The following ACLY variants were observed in gnomAD, a reference collection of about 807,000 sequenced individuals.
The protein encoded by ACLY is ATP-citrate synthase.
A neutral mutation model predicts 133.0 loss-of-function variants in ACLY; 41 were observed. The ratio of observed to expected loss-of-function variants is 0.31; its 90% confidence interval spans 0.24 to 0.40. The LOEUF (loss-of-function observed/expected upper bound fraction) is 0.40, where lower values mean the gene tolerates loss of function less well. ACLY is among the 10% of genes least tolerant of loss of function. The probability of loss-of-function intolerance (pLI) is 1.00; values close to 1 mark genes in which losing one functional copy is unlikely to be tolerated. For missense variants in ACLY, 1,046 were observed against 1,453.8 expected (o/e 0.72, Z 4.56); for synonymous variants, 495 against 549.3 (o/e 0.90, Z 1.38).
At position 41,883,139 on chromosome 17, in the gene ACLY, T is replaced by C. The variant is rs1555627644; in HGVS notation, c.2248A>G (p.Thr750Ala). 1.2e-6 allele frequency: 2 copies of C among 1,613,796 alleles called. No homozygotes were observed. Among genetic ancestry groups the C allele is most frequent in the Non-Finnish European group, 1.7e-6 (2 of 1,180,010 alleles). The change falls in exon 20 of 29, where the codon ACC (threonine) becomes GCC (alanine). Residue 750 changes from threonine to alanine, a missense_variant. Around this residue, in one of 4 missense-constraint regions of ACLY, gnomAD observed 575 missense variants for 804.2 expected, o/e 0.71. Coordinates refer to ENST00000352035, the MANE Select transcript of ACLY (RefSeq NM_001096.3). ...IVCWCIGTCA[T>A]MFSSEVQFGH... ...AGCCATACCTCAGAGGAGAACATGG[T>C]GGCACACGTCCCGATGCACCAGCAG...
At chr17:41,868,610 AAAAAAG>A in intron 28 of ACLY, 93 bp downstream of exon 28, 4 of 735,860 alleles carry the variant, frequency 5.4e-6, no homozygotes, top group Admixed American at 4.3e-5. Context: ...TAAAAAAAAA[AAAAAAG>A]AAAGAAAAAG....
At chr17:41,914,987 C>T (rs1469511004) in intron 1 of ACLY, among the ~76,000 whole-genome samples, 1 of 152,166 alleles carries the variant, frequency 6.6e-6, no homozygotes, top group Admixed American at 6.5e-5. Flanking sequence ...GTTAGGATAA[C>T]TTGCCCAAGA....
At chr17:41,883,619 C>T (rs1448083358) in intron 19 of ACLY, among the ~76,000 whole-genome samples, 6 of 112,810 alleles carry the variant, frequency 5.3e-5, no homozygotes, top group African/African-American at 2.1e-4. Flanking sequence ...GAGTCTTGAT[C>T]TGTCTCCCAG....
intron 22 of ACLY, among the ~76,000 whole-genome samples, chr17:41,875,411 C>T (rs2048712707): frequency 6.7e-6 from 1 of 149,344 alleles, no homozygotes; most frequent in Non-Finnish European, 1.5e-5. Context: ...GCCCCCCTCC[C>T]TCTCCCTCTC....
chr17:41,887,636 G>A lies in ACLY; in HGVS notation c.1838C>T (p.Ala613Val), dbSNP rs142738500. The change falls in exon 17 of 29, where the codon GCG (alanine) becomes GTG (valine). Residue 613 changes from alanine to valine, a missense_variant. Around this residue, in one of 4 missense-constraint regions of ACLY, gnomAD observed 575 missense variants for 804.2 expected, o/e 0.71. Coordinates refer to ENST00000352035, the MANE Select transcript of ACLY (RefSeq NM_001096.3). ...EALTRKLIKK[A>V]DQKGVTIIGP... ...GATGATGGTCACTCCCTTCTGGTCC[G>A]CCTTCTTGATCAGCTTTCTCGTGAG... The A allele has an allele frequency of 1.1e-5, 17 of 1,613,534 alleles. No homozygotes were observed. Among genetic ancestry groups the A allele is most frequent in the South Asian group, 3.3e-5 (3 of 91,074 alleles).
chr17:41,888,540 A>G (rs1176833725), intron 16 of ACLY, among the ~76,000 whole-genome samples: 2 of 152,198 alleles, frequency 1.3e-5, no homozygotes. Context: ...TCCAGGAATC[A>G]CTTCTCTTTG....
At position 41,917,134 on chromosome 17, in the gene ACLY, C is replaced by CAAA. The variant is rs35545409; in HGVS notation, c.-24+1743_-24+1745dup. Among the ~76,000 whole-genome samples the CAAA allele has an allele frequency of 1.3e-3, 69 of 53,266 alleles. 1 individual carries two copies. The highest frequency in any genetic ancestry group is 0.011 in the Middle Eastern group (1 of 88). The allele number at this position is 53,266 out of a possible 152,430, so 34.9% of individuals were successfully genotyped here. On this transcript the variant is annotated intron_variant, in intron 1 of 28. Transcript: ENST00000352035. ...CTGCCGACAGAGCAAGACTCTGTCT[C>CAAA]AAAAAAAAAAAAAAAAAAAAAAGAA...
intron 16 of ACLY, among the ~76,000 whole-genome samples, chr17:41,891,207 T>C (rs2049201550): frequency 6.6e-6 from 1 of 152,018 alleles, no homozygotes; most frequent in African/African-American, 2.4e-5. Flanking sequence ...AATCCTTTTT[T>C]AAGTACAGAC....
intron 23 of ACLY, 61 bp from the exon 24 acceptor site, chr17:41,872,243 C>G: frequency 6.6e-7 from 1 of 1,525,620 alleles, no homozygotes; most frequent in Non-Finnish European, 9.0e-7. Context: ...TACTTTCCCC[C>G]ATCTCCCTAA....
intron 16 of ACLY, among the ~76,000 whole-genome samples, chr17:41,890,367 T>C (rs1332624493): frequency 6.6e-6 from 1 of 150,500 alleles, no homozygotes; most frequent in African/African-American, 2.4e-5. Flanking sequence ...TCCTCTGGCT[T>C]GGGAAGCTGA....
At position 41,907,358 on chromosome 17, in the gene ACLY, A is replaced by AG. The variant is rs2049750552; in HGVS notation, c.747+83dup. 5.9e-6 allele frequency: 8 copies of AG among 1,360,724 alleles called. No individual in the cohort carries two copies. In the South Asian group the frequency reaches 9.0e-5, roughly 15 times the overall value. The allele number at this position is 1,360,724 out of a possible 1,614,324, so 84.3% of individuals were successfully genotyped here. A position where few individuals can be genotyped will look rare whatever the true frequency, so the allele number is the denominator to read the frequency against. ...TCCCTGCCAAATAAACAGCTCATGA[A>AG]GGGGGGCCAAATGCACATCAAAGAT... On this transcript the variant is annotated intron_variant, in intron 7 of 28. Transcript: ENST00000352035.
chr17:41,899,402 C>T (rs1035724802), intron 11 of ACLY, among the ~76,000 whole-genome samples: 3 of 152,174 alleles, frequency 2.0e-5, no homozygotes, highest in Non-Finnish European at 2.9e-5. Flanking sequence ...TAGCCCTCAT[C>T]GCATGCATCC....
Position 41,893,181 on chromosome 17 carries a change from G to A in ACLY, c.1460-7C>T, listed in dbSNP as rs372014232. 22 of 1,610,834 alleles carry A rather than the reference G, an allele frequency of 1.4e-5. No homozygotes were observed. In the African/African-American group the frequency reaches 2.7e-4, roughly 20 times the overall value. ...AAGAGGGTGGTGCTCTTTCCTGGTG[G>A]GCAAAGACACAGAGAGTGCACCCAG... On this transcript the variant is annotated splice_region_variant and splice_polypyrimidine_tract_variant and intron_variant, in intron 14 of 28. Coordinates refer to ENST00000352035, the MANE Select transcript of ACLY (RefSeq NM_001096.3).
intron 21 of ACLY, 21 bp from the exon 22 acceptor site, chr17:41,878,217 G>T: frequency 6.6e-7 from 1 of 1,521,896 alleles, no homozygotes; most frequent in Non-Finnish European, 8.8e-7. Context: ...GGAAAAAAAA[G>T]ACATCCATGT....
chr17:41,901,893 C>G (rs1211739639), intron 10 of ACLY, 80 bp from the exon 11 acceptor site: 5 of 1,125,618 alleles, frequency 4.4e-6, no homozygotes, highest in Non-Finnish European at 6.4e-6. Context: ...ACAAACATAC[C>G]AGGTATATGT....
chr17:41,890,379 C>T (rs1446584895), intron 16 of ACLY, among the ~76,000 whole-genome samples: 6 of 149,214 alleles, frequency 4.0e-5, no homozygotes, highest in African/African-American at 1.2e-4. Flanking sequence ...GGAAGCTGAC[C>T]GATTGAAAAA....
intron 19 of ACLY, among the ~76,000 whole-genome samples, chr17:41,883,582 C>CTTTTTT (rs139989311): frequency 2.2e-5 from 2 of 88,924 alleles, no homozygotes; most frequent in African/African-American, 8.6e-5. Context: ...TTTTTTTTTG[C>CTTTTTT]TTTTTTTTTT....
At chr17:41,883,582 CTTTTTTTTTTTTT>C (rs139989311) in intron 19 of ACLY, among the ~76,000 whole-genome samples, 2 of 88,924 alleles carry the variant, frequency 2.2e-5, no homozygotes, top group Non-Finnish European at 4.3e-5. Flanking sequence ...TTTTTTTTTG[CTTTTTTTTTTTTT>C]TTTTTTTGAG....
chr17:41,918,975 G>A, upstream of ACLY: 1 of 1,288,644 alleles, frequency 7.8e-7, no homozygotes, highest in Non-Finnish European at 1.0e-6. Flanking sequence ...CCGGGATCCG[G>A]CTTTTGTCCC....
Sources: gnomAD v4.1 joint callset for allele counts (sites outside exome capture counted in the v4.1 genomes callset) on GRCh38, gnomAD v4.1.1 for gene constraint, gnomAD v4.1.1 regional missense constraint, MANE v1.5 for transcripts, NCBI Gene and HGNC (gene_info 2026-07-23, HGNC 2026-07-21) for gene names.